ITGA8: variants seen among roughly 807,000 people sequenced by gnomAD.
The protein encoded by ITGA8 is integrin subunit alpha 8.
In ITGA8, 91 loss-of-function variants were observed where a neutral mutation model predicts 142.3. The observed-to-expected ratio is 0.64, with a 90% CI of 0.54 to 0.76. ITGA8 has a LOEUF of 0.76. ITGA8 is among the 30% of genes least tolerant of loss of function. ITGA8 has a pLI of 0.00. For synonymous variants in ITGA8, 505 were observed against 485.2 expected (o/e 1.04, Z -0.54); for missense variants, 1,406 against 1,327.7 (o/e 1.06, Z -0.92).
At chr10:15,675,347 C>T (rs1462443966) in intron 6 of ITGA8, among the ~76,000 whole-genome samples, 1 of 152,186 alleles carries the variant, frequency 6.6e-6, no homozygotes, top group African/African-American at 2.4e-5. Flanking sequence ...CACCCACCTA[C>T]AGCCATTCAG....
rs146234536 is a variant in ITGA8, at chr10:15,698,424, C to T, written c.344-10386G>A. 3.9e-3 allele frequency among the ~76,000 whole-genome samples: 591 copies of T among 152,260 alleles called. 5 individuals are homozygous for T. The highest frequency in any genetic ancestry group is 0.014 in the African/African-American group (561 of 41,550). ...TGACTTCTTTTCATCTGGGTAGATA[C>T]CTAGTACTGGGATTGCTGGATCAAA... On this transcript the variant is annotated intron_variant, in intron 2 of 29. Coordinates refer to ENST00000378076, the MANE Select transcript of ITGA8 (RefSeq NM_003638.3).
intron 13 of ITGA8, among the ~76,000 whole-genome samples, chr10:15,621,777 G>A (rs1047195776): frequency 1.3e-5 from 2 of 152,104 alleles, no homozygotes; most frequent in African/African-American, 2.4e-5. Flanking sequence ...TGAAGTAGGA[G>A]GCTCGCTTGA....
chr10:15,558,839 C>G (rs905889024), intron 25 of ITGA8, among the ~76,000 whole-genome samples: 1 of 152,192 alleles, frequency 6.6e-6, no homozygotes, highest in African/African-American at 2.4e-5. Context: ...TATTTTATCT[C>G]AGGTTCCATG....
At chr10:15,696,599 G>A (rs1835056700) in intron 2 of ITGA8, among the ~76,000 whole-genome samples, 1 of 152,064 alleles carries the variant, frequency 6.6e-6, no homozygotes, top group Non-Finnish European at 1.5e-5. Flanking sequence ...TCTACTTCAA[G>A]ACAATAATTT....
chr10:15,549,409 C>G (rs995067557), intron 26 of ITGA8, among the ~76,000 whole-genome samples: 7 of 152,026 alleles, frequency 4.6e-5, no homozygotes, highest in Admixed American at 4.6e-4. Context: ...TGGGGTTTCA[C>G]CATGTTGGCC....
intron 29 of ITGA8, among the ~76,000 whole-genome samples, chr10:15,517,815 T>C (rs1263502397): frequency 6.6e-6 from 1 of 152,262 alleles, no homozygotes; most frequent in East Asian, 1.9e-4. Context: ...CCCTCTTTCA[T>C]ACAAACCACT....
chr10:15,536,168 A>G (rs555195573), intron 27 of ITGA8, among the ~76,000 whole-genome samples: 14 of 152,322 alleles, frequency 9.2e-5, no homozygotes, highest in African/African-American at 2.6e-4. Context: ...GGTGAGACCA[A>G]GAACCCACCA....
intron 27 of ITGA8, among the ~76,000 whole-genome samples, chr10:15,546,239 G>C (rs549468263): frequency 6.6e-6 from 1 of 152,234 alleles, no homozygotes; most frequent in East Asian, 1.9e-4. Context: ...GCATCTGTTT[G>C]CCTGCTCAGT....
At chr10:15,695,983 A>G (rs1835044491) in intron 2 of ITGA8, among the ~76,000 whole-genome samples, 1 of 152,230 alleles carries the variant, frequency 6.6e-6, no homozygotes, top group Non-Finnish European at 1.5e-5. Flanking sequence ...TATCCTTGCC[A>G]ACGTCCATGA....
chr10:15,644,218 A>G lies in ITGA8; in HGVS notation c.1211T>C (p.Ile404Thr), dbSNP rs1833924588. 4 of 1,613,200 alleles carry G rather than the reference A, an allele frequency of 2.5e-6. No homozygotes were observed. Among genetic ancestry groups the G allele is most frequent in the East Asian group, 2.2e-5 (1 of 44,836 alleles). Residue 404 changes from isoleucine (I) to threonine (T), a missense_variant, in exon 13 of 30, where the codon ATT (isoleucine) becomes ACT (threonine). Transcript: ENST00000378076. ...GDLNQDGYND[I>T]AIGVPFAGKD... Reference sequence around the variant, plus strand: ...GCCTGCAAAAGGCACTCCGATGGCAATGTCTAAAAACAGACATAAAACATG... The same window carrying G: ...GCCTGCAAAAGGCACTCCGATGGCAGTGTCTAAAAACAGACATAAAACATG...
At chr10:15,541,854 G>A (rs1472066327) in intron 27 of ITGA8, among the ~76,000 whole-genome samples, 1 of 150,734 alleles carries the variant, frequency 6.6e-6, no homozygotes, top group East Asian at 1.9e-4. Context: ...TATTCACTTA[G>A]CAAATATGAA....
At chr10:15,659,089 T>A (rs749723443) in intron 9 of ITGA8, 34 bp from the exon 10 acceptor site, 1 of 1,486,866 alleles carries the variant, frequency 6.7e-7, no homozygotes, top group Non-Finnish European at 9.2e-7. Context: ...GTTACACCAT[T>A]TGCCATAGAA....
At chr10:15,650,652 G>T (rs924986202) in intron 11 of ITGA8, among the ~76,000 whole-genome samples, 1 of 151,950 alleles carries the variant, frequency 6.6e-6, no homozygotes, top group Non-Finnish European at 1.5e-5. Flanking sequence ...TCCAGTCTCC[G>T]GTATTCAATT....
At chr10:15,538,443 C>T (rs552256525) in intron 27 of ITGA8, among the ~76,000 whole-genome samples, 3 of 142,220 alleles carry the variant, frequency 2.1e-5, no homozygotes, top group African/African-American at 7.9e-5. Flanking sequence ...ACCCGGGAGA[C>T]GATGGTTGCA....
intron 23 of ITGA8, among the ~76,000 whole-genome samples, chr10:15,577,316 A>G (rs566185764): frequency 6.6e-6 from 1 of 152,284 alleles, no homozygotes; most frequent in South Asian, 2.1e-4. Flanking sequence ...TGGAGATGAT[A>G]TCGTCAAAAC....
At chr10:15,649,266 T>C (rs1834042725) in intron 11 of ITGA8, among the ~76,000 whole-genome samples, 1 of 151,882 alleles carries the variant, frequency 6.6e-6, no homozygotes, top group African/African-American at 2.4e-5. Context: ...CATTATTATA[T>C]ATTATATACT....
At chr10:15,631,418 G>T (rs1181966211) in intron 13 of ITGA8, among the ~76,000 whole-genome samples, 2 of 151,898 alleles carry the variant, frequency 1.3e-5, no homozygotes, top group Non-Finnish European at 1.5e-5. Flanking sequence ...CCTTTGCGGG[G>T]ACATGGATGA....
At chr10:15,691,120 T>G (rs981019153) in intron 2 of ITGA8, among the ~76,000 whole-genome samples, 2 of 152,170 alleles carry the variant, frequency 1.3e-5, no homozygotes, top group Non-Finnish European at 2.9e-5. Flanking sequence ...ATCAGGGATA[T>G]GCAAATTAAA....
At chr10:15,687,839 T>G (rs556572200) in intron 3 of ITGA8, 99 bp downstream of exon 3, 1 of 737,812 alleles carries the variant, frequency 1.4e-6, no homozygotes, top group African/African-American at 1.7e-5. Flanking sequence ...AAGTCTAACA[T>G]GTTCCTTTAG....
Sources: allele counts gnomAD v4.1 joint callset (sites outside exome capture counted in the v4.1 genomes callset), GRCh38; gene constraint gnomAD v4.1.1; transcripts MANE v1.5; gene names NCBI Gene and HGNC (gene_info 2026-07-23, HGNC 2026-07-21).